ACCSL: variants seen among roughly 807,000 people sequenced by gnomAD.
ACCSL encodes 1-aminocyclopropane-1-carboxylate synthase homolog (inactive) like.
Under a neutral mutation model 61.7 loss-of-function variants are expected in ACCSL, and 55 were observed. That is an observed-to-expected ratio of 0.89 (90% confidence interval 0.72 to 1.12). The LOEUF (loss-of-function observed/expected upper bound fraction) is 1.12, where lower values mean the gene tolerates loss of function less well. Among genes scored for constraint, ACCSL ranks in the 50% most tolerant of loss-of-function variants. The pLI is 0.00. For missense variants in ACCSL, 632 were observed against 698.0 expected, an observed-to-expected ratio of 0.91 and a Z score of 1.07; for synonymous variants, 258 against 264.3, an observed-to-expected ratio of 0.98 and a Z score of 0.23.
the ACCSL span, chr11:43,926,464 G>A: frequency 2.2e-6 from 1 of 455,806 alleles, no homozygotes; most frequent in East Asian, 7.0e-5. Context: ...GAACGCCTTG[G>A]CCTGCAAGAG....
chr11:44,014,459 A>C, the ACCSL span, among the ~76,000 whole-genome samples: 4 of 149,290 alleles, frequency 2.7e-5, no homozygotes, highest in East Asian at 8.0e-4. Context: ...CCCCGAGAGC[A>C]ATGAGCTGGC....
upstream of ACCSL, among the ~76,000 whole-genome samples, chr11:44,045,249 G>A (rs566890020): frequency 2.4e-4 from 37 of 152,174 alleles, no homozygotes; most frequent in South Asian, 6.4e-3. Flanking sequence ...ACCAACCTGG[G>A]CAACATGATG....
At chr11:44,040,544 A>C in the ACCSL span, among the ~76,000 whole-genome samples, 103 of 152,276 alleles carry the variant, frequency 6.8e-4, 1 homozygote, top group African/African-American at 2.4e-3. Context: ...TTGTGCCTAC[A>C]AGCAGAACAT....
At chr11:43,941,412 G>A in the ACCSL span, among the ~76,000 whole-genome samples, 1 of 152,346 alleles carries the variant, frequency 6.6e-6, no homozygotes, top group African/African-American at 2.4e-5. Context: ...GTAAATCTGT[G>A]TTGAGTGGAT....
chr11:43,972,142 T>C, the ACCSL span, among the ~76,000 whole-genome samples: 2 of 152,194 alleles, frequency 1.3e-5, no homozygotes, highest in East Asian at 1.9e-4. Flanking sequence ...TTCTCCTCCA[T>C]TCCTACATTG....
In ACCSL at chr11:44,059,910, T is replaced by C. The variant is rs1430880632; in HGVS notation, c.1697T>C (p.Met566Thr). Reference sequence around the variant, plus strand: ...ATAGTGAAGCAGTTGGAGGATGCAATGAGGGAGTAGGCCGTCTGCCTCCCA... The same window carrying C: ...ATAGTGAAGCAGTTGGAGGATGCAACGAGGGAGTAGGCCGTCTGCCTCCCA... ...ALIVKQLEDA[M>T]RE Residue 566 changes from methionine to threonine, a missense_variant, in exon 14 of 14, where the codon ATG becomes ACG. Physicochemically the swap from Met to Thr is moderately conservative, Grantham distance 81. Coordinates refer to ENST00000378832, the MANE Select transcript of ACCSL (RefSeq NM_001031854.2). 6.2e-7 allele frequency: 1 copy of C among 1,613,620 alleles called. No individual in the cohort carries two copies.
At chr11:43,976,243 A>G in the ACCSL span, among the ~76,000 whole-genome samples, 1 of 152,166 alleles carries the variant, frequency 6.6e-6, no homozygotes, top group Non-Finnish European at 1.5e-5. Context: ...TTTATCTTCT[A>G]TGAGAGAGAG....
At chr11:43,996,613 A>T in the ACCSL span, among the ~76,000 whole-genome samples, 1 of 152,152 alleles carries the variant, frequency 6.6e-6, no homozygotes, top group Non-Finnish European at 1.5e-5. Context: ...ACACAAGTGT[A>T]CATCTGAATC....
chr11:43,938,991 T>A, the ACCSL span, among the ~76,000 whole-genome samples: 1 of 152,230 alleles, frequency 6.6e-6, no homozygotes, highest in South Asian at 2.1e-4. Context: ...TCCTGCTCCT[T>A]GGACAAAACC....
chr11:43,968,244 A>G, the ACCSL span, among the ~76,000 whole-genome samples: 1 of 147,574 alleles, frequency 6.8e-6, no homozygotes, highest in South Asian at 2.2e-4. Context: ...GAGACCCTTT[A>G]GGGTGAAAGT....
chr11:43,964,140 G>A, the ACCSL span, among the ~76,000 whole-genome samples: 3 of 152,000 alleles, frequency 2.0e-5, no homozygotes, highest in South Asian at 4.2e-4. Flanking sequence ...AAAACTTCCC[G>A]TGAAAGAAAA....
At position 44,051,331 on chromosome 11, in the gene ACCSL, A is replaced by T; in HGVS notation, c.636-4A>T. On this transcript the variant is annotated splice_polypyrimidine_tract_variant and splice_region_variant and intron_variant, in intron 3 of 13. Coordinates refer to ENST00000378832, the MANE Select transcript of ACCSL (RefSeq NM_001031854.2). ...CCACAAGGTCTCTCTGGGTCTGTTT[A>T]CAGCCTGCGGGAAGAAGTGGCCCGG... 6.2e-7 allele frequency: 1 copy of T among 1,614,174 alleles called. No individual in the cohort carries two copies. The highest frequency in any genetic ancestry group is 8.5e-7 in the Non-Finnish European group (1 of 1,180,018).
At chr11:43,950,150 C>A in the ACCSL span, among the ~76,000 whole-genome samples, 69 of 152,304 alleles carry the variant, frequency 4.5e-4, no homozygotes, top group African/African-American at 1.5e-3. Context: ...ACCTATGACC[C>A]GGAAGCCCCC....
the ACCSL span, among the ~76,000 whole-genome samples, chr11:43,968,878 C>T: frequency 0.011 from 1,657 of 152,144 alleles, 32 homozygotes; most frequent in African/African-American, 0.038. Flanking sequence ...TCCTGTGTCT[C>T]GCATCTCTAT....
At chr11:44,034,625 C>T in the ACCSL span, among the ~76,000 whole-genome samples, 2 of 152,102 alleles carry the variant, frequency 1.3e-5, no homozygotes, top group African/African-American at 4.8e-5. Flanking sequence ...TCTCATGAGA[C>T]TTATTCACTA....
At chr11:44,036,722 C>T in the ACCSL span, among the ~76,000 whole-genome samples, 1 of 145,722 alleles carries the variant, frequency 6.9e-6, no homozygotes, top group Non-Finnish European at 1.5e-5. Flanking sequence ...GCAAAGGATG[C>T]AGTGAGTCAA....
At chr11:43,952,644 G>A in the ACCSL span, among the ~76,000 whole-genome samples, 4 of 152,204 alleles carry the variant, frequency 2.6e-5, no homozygotes, top group Admixed American at 6.5e-5. Context: ...ACCCTCTCAC[G>A]CGGACCCTCT....
the ACCSL span, among the ~76,000 whole-genome samples, chr11:43,971,073 C>A: frequency 6.6e-6 from 1 of 152,124 alleles, no homozygotes; most frequent in South Asian, 2.1e-4. Flanking sequence ...TGGCTCACGT[C>A]TGTAATTTCA....
At chr11:44,058,259 A>G in intron 11 of ACCSL, 58 bp from the exon 12 acceptor site, 1 of 1,577,232 alleles carries the variant, frequency 6.3e-7, no homozygotes, top group Non-Finnish European at 8.7e-7. Flanking sequence ...TTGGGAAGGA[A>G]CTCTCGGTAG....
Sources: allele counts gnomAD v4.1 joint callset (sites outside exome capture counted in the v4.1 genomes callset), GRCh38; gene constraint gnomAD v4.1.1; transcripts MANE v1.5; gene names NCBI Gene and HGNC (gene_info 2026-07-23, HGNC 2026-07-21).